The following GMDS variants were observed in gnomAD, a reference collection of about 807,000 sequenced individuals.
GMDS encodes GDP-mannose 4,6 dehydratase.
A neutral mutation model predicts 49.9 loss-of-function variants in GMDS; 20 were observed. The ratio of observed to expected loss-of-function variants is 0.40; its 90% confidence interval spans 0.28 to 0.58. The LOEUF (loss-of-function observed/expected upper bound fraction) is 0.58, where lower values mean the gene tolerates loss of function less well. Among genes scored for constraint, GMDS ranks in the 20% least tolerant of loss-of-function variants. The pLI, the probability that GMDS is intolerant of heterozygous loss-of-function variation, is 0.42. For missense variants in GMDS, 362 were observed against 481.4 expected, an observed-to-expected ratio of 0.75 and a Z score of 2.32; for synonymous variants, 177 against 178.6, an observed-to-expected ratio of 0.99 and a Z score of 0.07.
At chr6:1,873,084 G>C (rs1204290118) in intron 7 of GMDS, among the ~76,000 whole-genome samples, 1 of 152,230 alleles carries the variant, frequency 6.6e-6, no homozygotes, top group African/African-American at 2.4e-5. Context: ...GTGAGGGACA[G>C]CCCAGGTGGC....
chr6:2,201,709 G>A (rs1779543599), intron 1 of GMDS, among the ~76,000 whole-genome samples: 1 of 117,552 alleles, frequency 8.5e-6, no homozygotes, highest in Non-Finnish European at 1.8e-5. Flanking sequence ...CATCCGAGAT[G>A]AAACCATCTA....
intron 7 of GMDS, among the ~76,000 whole-genome samples, chr6:1,867,012 C>T (rs1002246187): frequency 2.6e-5 from 4 of 152,212 alleles, no homozygotes; most frequent in Non-Finnish European, 2.9e-5. Context: ...TGTTACATTT[C>T]AATTTATGTA....
At chr6:1,681,146 A>G (rs1463688387) in intron 9 of GMDS, among the ~76,000 whole-genome samples, 1 of 151,766 alleles carries the variant, frequency 6.6e-6, no homozygotes, top group African/African-American at 2.4e-5. Flanking sequence ...ACACACACCT[A>G]TATACACACA....
intron 4 of GMDS, among the ~76,000 whole-genome samples, chr6:2,074,218 G>A (rs1027383764): frequency 6.6e-6 from 1 of 152,014 alleles, no homozygotes; most frequent in African/African-American, 2.4e-5. Flanking sequence ...TTCTAACTGG[G>A]GTAAGATGAT....
At position 2,043,873 on chromosome 6, in the gene GMDS, A is replaced by T. The variant is rs1436829117; in HGVS notation, c.345+71898T>A. ...AAATCTACAAATTTGCAGAAAAAAA[A>T]ACAACAACAACCCCATTAAAAGTGG... is the stretch of plus-strand genomic sequence containing the variant. On this transcript the variant is annotated intron_variant, in intron 4 of 10. Transcript: ENST00000380815. Among the ~76,000 whole-genome samples the T allele has an allele frequency of 2.0e-5, 3 of 149,872 alleles. No homozygotes were observed. In the East Asian group the frequency reaches 5.9e-4, roughly 29 times the overall value.
At chr6:1,858,151 A>G (rs979532323) in intron 7 of GMDS, among the ~76,000 whole-genome samples, 11 of 152,212 alleles carry the variant, frequency 7.2e-5, no homozygotes, top group African/African-American at 2.4e-4. Context: ...ATCTCAGTAC[A>G]TGGAATAAAA....
intron 1 of GMDS, among the ~76,000 whole-genome samples, chr6:2,208,921 T>C (rs1047412250): frequency 5.9e-5 from 9 of 151,526 alleles, no homozygotes; most frequent in Non-Finnish European, 1.2e-4. Flanking sequence ...CAACTACGTG[T>C]CTGACCCAAG....
chr6:1,798,254 C>CACACACACAT (rs1728854990), intron 7 of GMDS, among the ~76,000 whole-genome samples: 1 of 149,710 alleles, frequency 6.7e-6, no homozygotes, highest in African/African-American at 2.5e-5. Context: ...CACACACACA[C>CACACACACAT]ACACACACAC....
chr6:1,905,083 C>T (rs1208457158), intron 7 of GMDS, among the ~76,000 whole-genome samples: 2 of 152,250 alleles, frequency 1.3e-5, no homozygotes, highest in Admixed American at 6.5e-5. Flanking sequence ...ATCCAAACTC[C>T]ATCCCAGCGA....
chr6:2,014,493 C>A (rs532493919), intron 4 of GMDS, among the ~76,000 whole-genome samples: 65 of 151,918 alleles, frequency 4.3e-4, no homozygotes, highest in African/African-American at 1.2e-3. Flanking sequence ...AGCAGCATAC[C>A]GTTATTTAAA....
At chr6:2,230,937 T>TCCCC (rs1394372739) in intron 1 of GMDS, among the ~76,000 whole-genome samples, 1 of 20,606 alleles carries the variant, frequency 4.9e-5, no homozygotes, top group African/African-American at 1.7e-4. Flanking sequence ...TCTTCCCCCC[T>TCCCC]CCCACCCCCC....
intron 9 of GMDS, among the ~76,000 whole-genome samples, chr6:1,650,806 C>T (rs1224463251): frequency 3.3e-5 from 5 of 152,132 alleles, no homozygotes; most frequent in Non-Finnish European, 7.4e-5. Flanking sequence ...TCTTGAACTC[C>T]TGACCTGAAG....
chr6:2,062,141 C>G (rs1338397224), intron 4 of GMDS, among the ~76,000 whole-genome samples: 1 of 152,154 alleles, frequency 6.6e-6, no homozygotes, highest in Non-Finnish European at 1.5e-5. Context: ...TTCCCTGCAG[C>G]AGGTCCTGAG....
chr6:2,041,883 A>T (rs1769705486), intron 4 of GMDS, among the ~76,000 whole-genome samples: 1 of 152,240 alleles, frequency 6.6e-6, no homozygotes, highest in African/African-American at 2.4e-5. Context: ...CTTTTTAAAA[A>T]GAAGATATGT....
At chr6:2,064,768 GGCTGATTTCGTATGA>G (rs1407343503) in intron 4 of GMDS, among the ~76,000 whole-genome samples, 1 of 152,138 alleles carries the variant, frequency 6.6e-6, no homozygotes, top group Non-Finnish European at 1.5e-5. Context: ...AGAAAACCTA[GGCTGATTTCGTATGA>G]GCTGATTCTT....
At chr6:1,989,465 G>A (rs1765786454) in intron 4 of GMDS, among the ~76,000 whole-genome samples, 1 of 152,152 alleles carries the variant, frequency 6.6e-6, no homozygotes, top group African/African-American at 2.4e-5. Flanking sequence ...GGCTAAGAAA[G>A]GCTTTGTGTT....
intron 1 of GMDS, among the ~76,000 whole-genome samples, chr6:2,219,528 T>A (rs990022371): frequency 2.0e-5 from 3 of 152,200 alleles, no homozygotes; most frequent in Non-Finnish European, 4.4e-5. Flanking sequence ...TAATCCATCA[T>A]GAACTGGTTC....
chr6:2,142,537 C>A (rs1306139882), intron 1 of GMDS, among the ~76,000 whole-genome samples: 1 of 152,138 alleles, frequency 6.6e-6, no homozygotes, highest in Non-Finnish European at 1.5e-5. Flanking sequence ...GCCAGAAAAC[C>A]ACCAGCGGCA....
intron 4 of GMDS, among the ~76,000 whole-genome samples, chr6:2,003,044 C>T (rs1766928523): frequency 6.6e-6 from 1 of 151,970 alleles, no homozygotes; most frequent in African/African-American, 2.4e-5. Flanking sequence ...ACACTGGCTA[C>T]CACAAGATCA....
Sources: gnomAD v4.1 joint callset for allele counts (sites outside exome capture counted in the v4.1 genomes callset) on GRCh38, gnomAD v4.1.1 for gene constraint, MANE v1.5 for transcripts, NCBI Gene and HGNC (gene_info 2026-07-23, HGNC 2026-07-21) for gene names.